The following CDH10 variants were observed in gnomAD, a reference collection of about 807,000 sequenced individuals.
The protein encoded by CDH10 is cadherin-10.
Under a neutral mutation model 73.1 loss-of-function variants are expected in CDH10, and 30 were observed. That is an observed-to-expected ratio of 0.41 (90% CI 0.31 to 0.56). The LOEUF (loss-of-function observed/expected upper bound fraction) is 0.56, where lower values mean the gene tolerates loss of function less well. Ranked by LOEUF, CDH10 falls within the 20% of genes least tolerant of loss-of-function variation. CDH10 has a pLI of 0.27. For synonymous variants in CDH10, 345 were observed against 348.2 expected (o/e 0.99, Z 0.10); for missense variants, 815 against 973.7 (o/e 0.84, Z 2.17).
intron 1 of CDH10, among the ~76,000 whole-genome samples, chr5:24,601,000 AT>A (rs1405034966): frequency 2.6e-5 from 4 of 152,138 alleles, no homozygotes; most frequent in African/African-American, 4.8e-5. Flanking sequence ...TCTTAAAAAA[AT>A]AAAAGAAGAA....
intron 2 of CDH10, among the ~76,000 whole-genome samples, chr5:24,567,544 T>G (rs565034517): frequency 5.0e-4 from 76 of 151,824 alleles, no homozygotes; most frequent in African/African-American, 1.8e-3. Context: ...GCTGGATATG[T>G]AAGAGTGTAT....
At chr5:24,564,383 G>A (rs1745090814) in intron 2 of CDH10, among the ~76,000 whole-genome samples, 1 of 152,120 alleles carries the variant, frequency 6.6e-6, no homozygotes, top group South Asian at 2.1e-4. Flanking sequence ...TTCTTACAGG[G>A]TCTACATGGT....
At chr5:24,497,466 TA>T (rs1028872946) in intron 9 of CDH10, among the ~76,000 whole-genome samples, 5 of 151,960 alleles carry the variant, frequency 3.3e-5, no homozygotes, top group Admixed American at 6.6e-5. Context: ...ATTTTCAAGT[TA>T]AAAAAAATGA....
At chr5:24,522,170 CAAA>C (rs1323574983) in intron 5 of CDH10, among the ~76,000 whole-genome samples, 5 of 38,732 alleles carry the variant, frequency 1.3e-4, no homozygotes, top group African/African-American at 4.9e-4. Flanking sequence ...AACAAACAAA[CAAA>C]AAAAACTAAT....
chr5:24,610,145 A>T (rs1746896730), intron 1 of CDH10, among the ~76,000 whole-genome samples: 1 of 152,220 alleles, frequency 6.6e-6, no homozygotes, highest in African/African-American at 2.4e-5. Flanking sequence ...ACAGTTCTGC[A>T]AAATAAACTT....
rs2111725838 is a variant in CDH10 at position 24,505,148 on chromosome 5, G to A, written c.1357C>T (p.Gln453Ter). ...GCAATAACAGTAAGATTATGCCACT[G>A]AGATAGTTCACGGTCAAGAGGTTTT... ...TSKPLDRELS[Q>*]WHNLTVIAAE... The change falls in exon 8 of 12, where the codon CAG becomes TAG. Residue 453 changes from glutamine (Q) to a stop codon, truncating the protein, a stop_gained. Coordinates refer to ENST00000264463, the MANE Select transcript of CDH10 (RefSeq NM_006727.5). LOFTEE classifies it high-confidence loss of function. 6.2e-7 allele frequency: 1 copy of A among 1,612,236 alleles called. No homozygotes were observed. Among genetic ancestry groups the A allele is most frequent in the Non-Finnish European group, 8.5e-7 (1 of 1,178,498 alleles).
chr5:24,620,715 T>C (rs530749549), intron 1 of CDH10, among the ~76,000 whole-genome samples: 102 of 152,172 alleles, frequency 6.7e-4, no homozygotes, highest in African/African-American at 2.4e-3. Flanking sequence ...ACCACACTTA[T>C]AGGGCAGAAC....
At chr5:24,623,891 CTTTT>C (rs1323519788) in intron 1 of CDH10, among the ~76,000 whole-genome samples, 1 of 151,884 alleles carries the variant, frequency 6.6e-6, no homozygotes, top group Non-Finnish European at 1.5e-5. Flanking sequence ...TCACTCAAAA[CTTTT>C]TTTTGTTTTC....
intron 2 of CDH10, among the ~76,000 whole-genome samples, chr5:24,586,366 T>C (rs996915288): frequency 1.3e-5 from 2 of 151,292 alleles, no homozygotes; most frequent in Non-Finnish European, 2.9e-5. Context: ...AGTTATAGTT[T>C]AACAAAGTTG....
chr5:24,603,753 C>T (rs555448077), intron 1 of CDH10, among the ~76,000 whole-genome samples: 5 of 152,072 alleles, frequency 3.3e-5, no homozygotes, highest in Admixed American at 6.5e-5. Context: ...CCGTATATTC[C>T]GGAACAAAGT....
rs893339967 is a variant in CDH10 at position 24,588,689 on chromosome 5, A to G, written c.231+4571T>C. Among the ~76,000 whole-genome samples, 5 of 152,306 alleles carry G rather than the reference A, an allele frequency of 3.3e-5. No individual in the cohort carries two copies. The South Asian group carries it at 6.2e-4, about 19-fold the overall frequency. On this transcript the variant is annotated intron_variant, in intron 2 of 11. Coordinates refer to ENST00000264463, the MANE Select transcript of CDH10 (RefSeq NM_006727.5). ...AGGGACACAGTCTAACCTGGTGGAC[A>G]CAGTTGCTATTTCTGGGCTTTATTG...
chr5:24,630,361 G>A (rs549576608), intron 1 of CDH10, among the ~76,000 whole-genome samples: 3 of 151,912 alleles, frequency 2.0e-5, no homozygotes, highest in African/African-American at 7.2e-5. Flanking sequence ...AGACCAGCCT[G>A]GCCAATATGG....
At chr5:24,531,776 A>G (rs912029382) in intron 5 of CDH10, among the ~76,000 whole-genome samples, 2 of 152,240 alleles carry the variant, frequency 1.3e-5, no homozygotes, top group East Asian at 3.9e-4. Flanking sequence ...CAGCCAAACC[A>G]TATCAATGGT....
chr5:24,527,336 TA>T (rs1743572235), intron 5 of CDH10, among the ~76,000 whole-genome samples: 1 of 148,026 alleles, frequency 6.8e-6, no homozygotes, highest in Non-Finnish European at 1.5e-5. Flanking sequence ...TATATTTATA[TA>T]ATCAAATATA....
At chr5:24,504,899 C>T (rs187771810) in intron 8 of CDH10, among the ~76,000 whole-genome samples, 149 of 152,124 alleles carry the variant, frequency 9.8e-4, no homozygotes, top group Non-Finnish European at 1.8e-3. Context: ...AAAATTTTTG[C>T]ATCTTCTACC....
chr5:24,544,122 C>T lies in CDH10; in HGVS notation c.232-6448G>A, dbSNP rs1207749637. The stretch of plus-strand genomic sequence containing the variant: ...CATCCTGGGCAACATGGTGAAACCC[C>T]GTCTCTACTAAAAATACAAAAATTA... On this transcript the variant is annotated intron_variant, in intron 2 of 11. Transcript: ENST00000264463. Among the ~76,000 whole-genome samples the T allele has an allele frequency of 7.2e-5, 11 of 152,136 alleles. No individual in the cohort carries two copies. In the South Asian group the frequency reaches 1.5e-3, roughly 20 times the overall value.
intron 1 of CDH10, among the ~76,000 whole-genome samples, chr5:24,596,318 G>A (rs986575760): frequency 6.6e-6 from 1 of 151,314 alleles, no homozygotes; most frequent in African/African-American, 2.4e-5. Flanking sequence ...CTTTTACATG[G>A]TCAGTCAATG....
intron 8 of CDH10, among the ~76,000 whole-genome samples, chr5:24,500,632 A>G (rs191311614): frequency 2.6e-5 from 4 of 152,340 alleles, no homozygotes; most frequent in Admixed American, 6.5e-5. Flanking sequence ...TACTCAATAT[A>G]AATCAAAGTA....
intron 2 of CDH10, among the ~76,000 whole-genome samples, chr5:24,568,762 T>C (rs916070596): frequency 3.9e-5 from 6 of 152,038 alleles, no homozygotes; most frequent in African/African-American, 1.5e-4. Flanking sequence ...CATCAACAGA[T>C]GAATGGATAA....
Sources: gnomAD v4.1 joint callset for allele counts (sites outside exome capture counted in the v4.1 genomes callset) on GRCh38, gnomAD v4.1.1 for gene constraint, MANE v1.5 for transcripts, NCBI Gene and HGNC (gene_info 2026-07-23, HGNC 2026-07-21) for gene names.